Variants in DACH2 observed in about 807,000 individuals in gnomAD.
DACH2 encodes dachshund homolog 2.
In DACH2, 17 loss-of-function variants were observed where a neutral mutation model predicts 35.8. The ratio of observed to expected loss-of-function variants is 0.48; its 90% CI spans 0.33 to 0.71. DACH2 has a LOEUF of 0.71. Ranked by LOEUF, DACH2 falls within the 30% of genes least tolerant of loss-of-function variation. DACH2 has a pLI of 0.02. For missense variants in DACH2, 469 were observed against 472.7 expected (o/e 0.99, Z 0.07); for synonymous variants, 195 against 177.3 (o/e 1.10, Z -0.79).
intron 4 of DACH2, among the ~76,000 whole-genome samples, chrX:86,667,115 G>T (rs1602758101): frequency 9.8e-6 from 1 of 101,797 alleles, no homozygotes; most frequent in East Asian, 3.1e-4. Flanking sequence ...AATTAGCCTG[G>T]CGTGGTGGTG....
intron 6 of DACH2, among the ~76,000 whole-genome samples, chrX:86,735,462 A>T (rs1395529362): frequency 8.9e-6 from 1 of 111,917 alleles, no homozygotes; most frequent in Non-Finnish European, 1.9e-5. Flanking sequence ...ATTTTTAACC[A>T]TTTGTGATAT....
At chrX:86,532,423 C>A (rs1188983289) in intron 3 of DACH2, among the ~76,000 whole-genome samples, 1 of 110,416 alleles carries the variant, frequency 9.1e-6, no homozygotes, top group East Asian at 2.9e-4. Context: ...ACATTTTGTC[C>A]TTGCTGTTCT....
At chrX:86,335,018 C>T (rs2035280072) in intron 1 of DACH2, among the ~76,000 whole-genome samples, 1 of 112,046 alleles carries the variant, frequency 8.9e-6, no homozygotes, top group African/African-American at 3.2e-5. Flanking sequence ...AATACAGAAT[C>T]CTTTCCCCAT....
intron 3 of DACH2, among the ~76,000 whole-genome samples, chrX:86,555,939 C>T (rs942468146): frequency 4.1e-4 from 46 of 110,959 alleles, no homozygotes; most frequent in South Asian, 3.0e-3. Context: ...ACTTTAATGC[C>T]GGCATCTAAA....
At chrX:86,756,782 T>C (rs753652531) in intron 7 of DACH2, among the ~76,000 whole-genome samples, 1 of 111,613 alleles carries the variant, frequency 9.0e-6, no homozygotes, top group South Asian at 3.7e-4. Flanking sequence ...TGAATAGACA[T>C]GCTGAAAGTG....
chrX:86,185,410 A>G (rs2031652608), intron 1 of DACH2, among the ~76,000 whole-genome samples: 1 of 111,520 alleles, frequency 9.0e-6, no homozygotes, highest in Non-Finnish European at 1.9e-5. Flanking sequence ...AGGGGTAGGG[A>G]ATCTTAATGA....
chrX:86,546,469 A>ATTCTTCCTC (rs1211890864), intron 3 of DACH2, among the ~76,000 whole-genome samples: 2 of 55,517 alleles, frequency 3.6e-5, no homozygotes, highest in African/African-American at 1.2e-4. Context: ...TCTACCTCTT[A>ATTCTTCCTC]TTCTTCCTCT....
intron 1 of DACH2, among the ~76,000 whole-genome samples, chrX:86,244,985 T>C (rs1181824863): frequency 1.8e-5 from 2 of 111,765 alleles, no homozygotes; most frequent in Non-Finnish European, 3.8e-5. Flanking sequence ...TATTATTTAA[T>C]AAGGTTTGCA....
chrX:86,732,627 T>A (rs752757994), intron 6 of DACH2, among the ~76,000 whole-genome samples: 135 of 111,903 alleles, frequency 1.2e-3, no homozygotes, highest in South Asian at 3.7e-3. Flanking sequence ...CCCAATGAAA[T>A]GGAGATGCTA....
At chrX:86,552,036 T>C (rs2039056448) in intron 3 of DACH2, among the ~76,000 whole-genome samples, 1 of 111,992 alleles carries the variant, frequency 8.9e-6, no homozygotes, top group Admixed American at 9.6e-5. Flanking sequence ...TGTTTTTGTT[T>C]GAAAAATAAA....
At chrX:86,534,721 T>C (rs749840421) in intron 3 of DACH2, among the ~76,000 whole-genome samples, 18 of 111,541 alleles carry the variant, frequency 1.6e-4, no homozygotes, top group Non-Finnish European at 2.8e-4. Context: ...TATTTTCCTT[T>C]ATGGATTTCA....
chrX:86,501,196 T>A (rs773248040), intron 2 of DACH2, among the ~76,000 whole-genome samples: 1 of 112,590 alleles, frequency 8.9e-6, no homozygotes, highest in South Asian at 3.6e-4. Flanking sequence ...TAAAAAGATT[T>A]AAAATGATTA....
At chrX:86,166,697 G>T (rs1367372903) in intron 1 of DACH2, among the ~76,000 whole-genome samples, 4 of 110,794 alleles carry the variant, frequency 3.6e-5, no homozygotes, top group Non-Finnish European at 7.6e-5. Context: ...ACTAGCTGTG[G>T]GTCTGTCATA....
chrX:86,538,134 G>A (rs755312384), intron 3 of DACH2, among the ~76,000 whole-genome samples: 4 of 111,026 alleles, frequency 3.6e-5, no homozygotes, highest in Non-Finnish European at 5.7e-5. Flanking sequence ...CTCTTCACAC[G>A]GATGCACGTG....
At chrX:86,342,742 C>T (rs1181512559) in intron 1 of DACH2, among the ~76,000 whole-genome samples, 5 of 102,535 alleles carry the variant, frequency 4.9e-5, no homozygotes, top group African/African-American at 7.2e-5. Context: ...GGGAATGAGA[C>T]GAGATCACCC....
chrX:86,316,240 T>C (rs1418251083), intron 1 of DACH2, among the ~76,000 whole-genome samples: 1 of 110,561 alleles, frequency 9.0e-6, no homozygotes, highest in Non-Finnish European at 1.9e-5. Context: ...CCTATCTTAG[T>C]GTGCCTGTGT....
chrX:86,695,440 G>T (rs1040752820), intron 5 of DACH2, among the ~76,000 whole-genome samples: 1 of 109,542 alleles, frequency 9.1e-6, no homozygotes, highest in East Asian at 2.9e-4. Context: ...TACATGGGAG[G>T]TTATGTAGCA....
At chrX:86,527,474 T>G (rs1569428942) in intron 3 of DACH2, among the ~76,000 whole-genome samples, 1 of 112,513 alleles carries the variant, frequency 8.9e-6, no homozygotes, top group East Asian at 2.8e-4. Context: ...TCTGACTTCT[T>G]TCCTTTAGCA....
rs34621582 is a variant in DACH2, at chrX:86,529,977, G to GCACACACA, written c.640+15607_640+15614dup. ...CACACACACACACACACACACACACGCACACACACACACACACACACACAC... is the reference window on the plus strand; with the variant it reads ...CACACACACACACACACACACACACGCACACACACACACACACACACACACACACACAC... On this transcript the variant is annotated intron_variant, in intron 3 of 11. Transcript: ENST00000373125. Among the ~76,000 whole-genome samples the GCACACACA allele has an allele frequency of 5.4e-3, 457 of 84,224 alleles. 5 individuals are homozygous for GCACACACA. The highest frequency in any genetic ancestry group is 0.021 in the African/African-American group (437 of 21,270). The allele number at this position is 84,224 out of a possible 115,157, so 73.1% of individuals were successfully genotyped here. A position where few individuals can be genotyped will look rare whatever the true frequency, so the allele number is the denominator to read the frequency against.
Sources: gnomAD v4.1 joint callset for allele counts (sites outside exome capture counted in the v4.1 genomes callset) on GRCh38, gnomAD v4.1.1 for gene constraint, MANE v1.5 for transcripts, NCBI Gene and HGNC (gene_info 2026-07-23, HGNC 2026-07-21) for gene names.